Variants in KCNQ3 observed in about 807,000 individuals in gnomAD.
KCNQ3 encodes potassium voltage-gated channel subfamily Q member 3, also known as potassium voltage-gated channel subfamily KQT member 3.
Under a neutral mutation model 92.5 loss-of-function variants are expected in KCNQ3, and 30 were observed. The ratio of observed to expected loss-of-function variants is 0.32; its 90% CI spans 0.24 to 0.44. The LOEUF (loss-of-function observed/expected upper bound fraction) is 0.44, where lower values mean the gene tolerates loss of function less well. Among genes scored for constraint, KCNQ3 ranks in the 20% least tolerant of loss-of-function variants. The pLI, the probability that KCNQ3 is intolerant of heterozygous loss-of-function variation, is 1.00. For synonymous variants in KCNQ3, 450 were observed against 468.8 expected (o/e 0.96, Z 0.52); for missense variants, 913 against 1,140.3 (o/e 0.80, Z 2.87).
intron 1 of KCNQ3, among the ~76,000 whole-genome samples, chr8:132,323,785 C>T (rs1043990117): frequency 4.6e-5 from 7 of 152,090 alleles, no homozygotes; most frequent in South Asian, 4.2e-4. Flanking sequence ...CTGTGGGTCT[C>T]GGCCTTGCGC....
At chr8:132,392,875 C>T (rs1306390991) in intron 1 of KCNQ3, among the ~76,000 whole-genome samples, 1 of 150,640 alleles carries the variant, frequency 6.6e-6, no homozygotes, top group Non-Finnish European at 1.5e-5. Flanking sequence ...TATTTTAGTC[C>T]ACAGCACTTT....
At chr8:132,212,055 A>AC (rs1318365914) in intron 1 of KCNQ3, among the ~76,000 whole-genome samples, 3 of 151,226 alleles carry the variant, frequency 2.0e-5, no homozygotes, top group African/African-American at 2.4e-5. Flanking sequence ...CTCAACCCTG[A>AC]CCCCCTGGGC....
chr8:132,363,997 C>T (rs1319461863), intron 1 of KCNQ3, among the ~76,000 whole-genome samples: 1 of 151,812 alleles, frequency 6.6e-6, no homozygotes, highest in African/African-American at 2.4e-5. Flanking sequence ...AGTTTGTGTT[C>T]TGTTCTTGGC....
At chr8:132,131,942 G>T (rs749918082) in intron 14 of KCNQ3, among the ~76,000 whole-genome samples, 1 of 152,070 alleles carries the variant, frequency 6.6e-6, no homozygotes, top group Non-Finnish European at 1.5e-5. Context: ...ACAAAAATTA[G>T]CTGGGCATGA....
At chr8:132,413,230 A>G (rs1402146330) in intron 1 of KCNQ3, among the ~76,000 whole-genome samples, 1 of 152,188 alleles carries the variant, frequency 6.6e-6, no homozygotes, top group Admixed American at 6.5e-5. Context: ...TCATGTGCAA[A>G]CCTCCAGCTA....
At chr8:132,134,536 GGAGGAGAGGAGAAGTGAGGAGAGGA>G (rs1825009367) in intron 12 of KCNQ3, 148 bp from the exon 13 acceptor site, 2 of 631,228 alleles carry the variant, frequency 3.2e-6, no homozygotes, top group South Asian at 3.4e-5. Context: ...AGAGGAGAGG[GGAGGAGAGGAGAAGTGAGGAGAGGA>G]GAGGGGAGGA....
At position 132,129,987 on chromosome 8, in the gene KCNQ3, T is replaced by A; in HGVS notation, c.1894A>T (p.Met632Leu). The part of the protein sequence containing the change: ...FVKVERQVQD[M>L]GKKLDFLVDM... ...ACGAGGAAGTCCAGCTTCTTCCCCA[T>A]GTCCTGAACCTGGAAAATCAAAGGA... is the stretch of plus-strand genomic sequence containing the variant. The change falls in exon 15 of 15, where the codon ATG becomes TTG. Residue 632 changes from methionine (M) to leucine (L), a missense_variant. Around this residue, in one of 6 missense-constraint regions of KCNQ3, gnomAD observed 375 missense variants for 376.4 expected, o/e 1.00. Transcript: ENST00000388996. This position sits in a 1 kb window ranked among gnomAD's most constrained non-coding sequence, Gnocchi z 5.9. 6.2e-7 allele frequency: 1 copy of A among 1,613,498 alleles called. No individual in the cohort carries two copies. The highest frequency in any genetic ancestry group is 2.2e-5 in the East Asian group (1 of 44,884).
At chr8:132,148,914 G>C (rs970131161) in intron 9 of KCNQ3, among the ~76,000 whole-genome samples, 1 of 152,174 alleles carries the variant, frequency 6.6e-6, no homozygotes, top group Non-Finnish European at 1.5e-5. Context: ...CAGATTGTGA[G>C]ATTTCTCAGC....
chr8:132,198,808 A>C (rs1314058755), intron 1 of KCNQ3, among the ~76,000 whole-genome samples: 1 of 152,198 alleles, frequency 6.6e-6, no homozygotes, highest in African/African-American at 2.4e-5. Context: ...CTTCATCTCA[A>C]AAAACAAAAA....
chr8:132,411,801 A>T (rs557613287), intron 1 of KCNQ3, among the ~76,000 whole-genome samples: 1 of 152,304 alleles, frequency 6.6e-6, no homozygotes, highest in Non-Finnish European at 1.5e-5. Flanking sequence ...TCTAAGCACA[A>T]GGACAAGCTG....
intron 1 of KCNQ3, among the ~76,000 whole-genome samples, chr8:132,424,677 TCTGC>T (rs1169351323): frequency 1.4e-4 from 21 of 152,198 alleles, no homozygotes; most frequent in Non-Finnish European, 2.1e-4. Flanking sequence ...GAGGCAGAGG[TCTGC>T]CATCAAGAAC....
intron 1 of KCNQ3, among the ~76,000 whole-genome samples, chr8:132,318,569 AT>A (rs1472053410): frequency 6.6e-6 from 1 of 151,960 alleles, no homozygotes; most frequent in Non-Finnish European, 1.5e-5. Flanking sequence ...TGGTGAGGGG[AT>A]TTCTTGTGTG....
chr8:132,248,146 T>C (rs1407207244), intron 1 of KCNQ3, among the ~76,000 whole-genome samples: 1 of 152,082 alleles, frequency 6.6e-6, no homozygotes, highest in African/African-American at 2.4e-5. Flanking sequence ...CAAAAATATA[T>C]ATCTGCATGT....
chr8:132,451,380 G>A (rs2721907), intron 1 of KCNQ3, among the ~76,000 whole-genome samples: 19,640 of 152,174 alleles, frequency 0.13, 1,650 homozygotes, highest in East Asian at 0.38. Context: ...ACACAATCGG[G>A]CTCAAGAAGC....
chr8:132,159,283 T>G (rs1220013783), intron 9 of KCNQ3, among the ~76,000 whole-genome samples: 1 of 152,182 alleles, frequency 6.6e-6, no homozygotes, highest in East Asian at 1.9e-4. Context: ...TTTGTCTACT[T>G]GATGTTTCGT....
chr8:132,194,832 C>T (rs62519625), intron 1 of KCNQ3, among the ~76,000 whole-genome samples: 17,613 of 152,136 alleles, frequency 0.12, 1,910 homozygotes, highest in African/African-American at 0.29. Flanking sequence ...CATCAGAGTT[C>T]GGAGTGATTT....
intron 1 of KCNQ3, among the ~76,000 whole-genome samples, chr8:132,443,639 C>A (rs1029003352): frequency 6.6e-6 from 1 of 152,264 alleles, no homozygotes; most frequent in East Asian, 1.9e-4. Context: ...ATGCTTATTT[C>A]GAAAAGCTTC....
intron 1 of KCNQ3, among the ~76,000 whole-genome samples, chr8:132,420,884 C>T (rs893744467): frequency 2.0e-5 from 3 of 152,214 alleles, no homozygotes; most frequent in African/African-American, 7.2e-5. Flanking sequence ...CACTCCAGCT[C>T]CCAGACCAGC....
chr8:132,398,155 T>G (rs1486677334), intron 1 of KCNQ3, among the ~76,000 whole-genome samples: 1 of 152,178 alleles, frequency 6.6e-6, no homozygotes, highest in African/African-American at 2.4e-5. Flanking sequence ...TTGGTTTTTT[T>G]GTCAAAAGTA....
Sources: gnomAD v4.1 joint callset for allele counts (sites outside exome capture counted in the v4.1 genomes callset) on GRCh38, gnomAD v4.1.1 for gene constraint, gnomAD v4.1.1 regional missense constraint, Gnocchi (gnomAD v3.1) non-coding constraint, MANE v1.5 for transcripts, NCBI Gene and HGNC (gene_info 2026-07-23, HGNC 2026-07-21) for gene names.